The following RASA3 variants were observed in gnomAD, a reference collection of about 807,000 sequenced individuals.
RASA3 encodes the protein RAS p21 protein activator 3.
A neutral mutation model predicts 110.0 loss-of-function variants in RASA3; 73 were observed. That is an observed-to-expected ratio of 0.66 (90% CI 0.55 to 0.81). The LOEUF is 0.81. Among genes scored for constraint, RASA3 ranks in the 30% least tolerant of loss-of-function variants. The probability of loss-of-function intolerance (pLI) is 0.00; values close to 1 mark genes in which losing one functional copy is unlikely to be tolerated. For missense variants in RASA3, 976 were observed against 1,113.2 expected, an observed-to-expected ratio of 0.88 and a Z score of 1.75; for synonymous variants, 500 against 451.4, an observed-to-expected ratio of 1.11 and a Z score of -1.37.
Position 114,042,931 on chromosome 13 carries a change from G to C in RASA3, c.278-1837C>G, listed in dbSNP as rs1442627965. Among the ~76,000 whole-genome samples, 3 of 152,210 alleles carry C rather than the reference G, an allele frequency of 2.0e-5. No individual in the cohort carries two copies. The East Asian group carries it at 5.8e-4, about 29-fold the overall frequency. ...AGCAGGCCGGGGCTGCAGGGAGAGG[G>C]AGCTTCCGTCCCTGCCTTCCTGCCA... On this transcript the variant is annotated intron_variant, in intron 3 of 23. Transcript: ENST00000334062.
intron 8 of RASA3, 24 bp from the exon 9 acceptor site, chr13:114,021,532 TCTAG>T (rs780973100): frequency 1.2e-6 from 2 of 1,603,766 alleles, no homozygotes; most frequent in African/African-American, 2.7e-5. Context: ...TCAGGACAGC[TCTAG>T]CTGACGGCGG....
rs760542880 is a variant in RASA3, at chr13:114,041,051, G to A, written c.321C>T (p.Asn107=). 1.9e-6 allele frequency: 3 copies of A among 1,613,828 alleles called. No individual in the cohort carries two copies. Among genetic ancestry groups the A allele is most frequent in the Non-Finnish European group, 2.5e-6 (3 of 1,180,022 alleles). ...GCTGCAGCTGGAACCAGGTGTCCCTGTTGTGGTACTTCTGCAAGTCCTCCT... is the reference window on the plus strand; with the variant it reads ...GCTGCAGCTGGAACCAGGTGTCCCTATTGTGGTACTTCTGCAAGTCCTCCT... The part of the protein sequence containing the change: ...IQKEDLQKYH[N]RDTWFQLQHV... Residue 107 remains asparagine, a synonymous_variant, in exon 4 of 24, where the codon AAC becomes AAT. Coordinates refer to ENST00000334062, the MANE Select transcript of RASA3 (RefSeq NM_007368.4).
chr13:113,988,851 A>G lies in RASA3; in HGVS notation c.2245+3634T>C, dbSNP rs965420451. Among the ~76,000 whole-genome samples, 7 of 134,506 alleles carry G rather than the reference A, an allele frequency of 5.2e-5. No individual in the cohort carries two copies. In the East Asian group the frequency reaches 1.4e-3, roughly 26 times the overall value. 88.2% of individuals were successfully genotyped at this position (134,506 alleles called of 152,430 possible). A position where few individuals can be genotyped will look rare whatever the true frequency, so the allele number is the denominator to read the frequency against. On this transcript the variant is annotated intron_variant, in intron 22 of 23. Transcript: ENST00000334062. ...CCATCACTCGTCCATTGCTCCATCC[A>G]CCCATCAGTCACCCATTGGTCCATC...
chr13:114,106,881 G>A (rs1225827279), intron 1 of RASA3, among the ~76,000 whole-genome samples: 1 of 152,204 alleles, frequency 6.6e-6, no homozygotes, highest in African/African-American at 2.4e-5. Context: ...GTCTTATAAG[G>A]AAACTATTTT....
Position 113,989,738 on chromosome 13 carries a change from C to T in RASA3, c.2245+2747G>A, listed in dbSNP as rs570365336. On this transcript the variant is annotated intron_variant, in intron 22 of 23. Coordinates refer to ENST00000334062, the MANE Select transcript of RASA3 (RefSeq NM_007368.4). ...CATCTCTCACCCAACCGTCCATCCA[C>T]CCATCTACCCACCCACTCAGCTGCC... is the stretch of plus-strand genomic sequence containing the variant. Among the ~76,000 whole-genome samples the T allele has an allele frequency of 1.5e-4, 23 of 152,368 alleles. No individual in the cohort carries two copies. The South Asian group carries it at 3.9e-3, about 26-fold the overall frequency.
At chr13:114,024,228 G>T in intron 8 of RASA3, 51 bp downstream of exon 8, 1 of 1,491,382 alleles carries the variant, frequency 6.7e-7, no homozygotes, top group South Asian at 1.1e-5. Context: ...AAGAGCTGAG[G>T]AGTTTGGGTG....
intron 1 of RASA3, among the ~76,000 whole-genome samples, chr13:114,083,075 C>T (rs1594439103): frequency 6.6e-6 from 1 of 152,206 alleles, no homozygotes; most frequent in Non-Finnish European, 1.5e-5. Context: ...AAACATTTCT[C>T]CCACTCATAC....
chr13:113,981,929 C>T lies in RASA3; in HGVS notation c.2246-71G>A, dbSNP rs552517061. 56 of 1,443,546 alleles carry T rather than the reference C, an allele frequency of 3.9e-5. No homozygotes were observed. In the African/African-American group the frequency reaches 5.2e-4, roughly 13 times the overall value. 89.4% of individuals were successfully genotyped at this position (1,443,546 alleles called of 1,614,324 possible). On this transcript the variant is annotated intron_variant, in intron 22 of 23. Transcript: ENST00000334062. ...CGGCCCCGTCTCCACACAGCTGCGT[C>T]GCTGCAGGCCCCACCCACAGTACAC...
intron 18 of RASA3, among the ~76,000 whole-genome samples, chr13:114,005,748 G>A (rs549049193): frequency 9.0e-5 from 13 of 144,262 alleles, no homozygotes; most frequent in Admixed American, 2.1e-4. Context: ...TCTCCCCTCC[G>A]GCCCTGCCGG....
At chr13:114,098,458 G>A (rs2079975511) in intron 1 of RASA3, among the ~76,000 whole-genome samples, 1 of 152,162 alleles carries the variant, frequency 6.6e-6, no homozygotes, top group African/African-American at 2.4e-5. Flanking sequence ...AAGTTCAGCA[G>A]GGCTGCAGGC....
rs192326064 is a variant in RASA3 at position 114,092,056 on chromosome 13, T to C, written c.56-18219A>G. On this transcript the variant is annotated intron_variant, in intron 1 of 23. Coordinates refer to ENST00000334062, the MANE Select transcript of RASA3 (RefSeq NM_007368.4). ...CCATCCTTGATTTTATTTATTGGGG[T>C]CTTATCTTTTTTTTTTCTTAGTCTA... Among the ~76,000 whole-genome samples, 265 of 151,010 alleles carry C rather than the reference T, an allele frequency of 1.8e-3. 3 individuals are homozygous for C. The highest frequency in any genetic ancestry group is 6.3e-3 in the African/African-American group (257 of 41,108).
intron 18 of RASA3, among the ~76,000 whole-genome samples, chr13:114,002,836 T>G (rs2053435700): frequency 1.3e-5 from 2 of 152,182 alleles, no homozygotes; most frequent in African/African-American, 4.8e-5. Context: ...GAGCCACGGC[T>G]AAGCCGGAAG....
chr13:114,011,976 A>G lies in RASA3; in HGVS notation c.1513-728T>C, dbSNP rs974786394. Among the ~76,000 whole-genome samples the G allele has an allele frequency of 6.6e-6, 1 of 151,864 alleles. No homozygotes were observed. The highest frequency in any genetic ancestry group is 2.4e-5 in the African/African-American group (1 of 41,310). On this transcript the variant is annotated intron_variant, in intron 15 of 23. Coordinates refer to ENST00000334062, the MANE Select transcript of RASA3 (RefSeq NM_007368.4). The surrounding 1 kb of genome is among the most constrained non-coding windows in gnomAD (Gnocchi z 4.8). ...TCCCTCACGTCCTCTCGCCCTGGCC[A>G]TCTCCTTCCAGCTCTGCCACCCGCA...
At chr13:114,039,377 G>A (rs1374852221) in intron 4 of RASA3, among the ~76,000 whole-genome samples, 1 of 151,924 alleles carries the variant, frequency 6.6e-6, no homozygotes, top group Non-Finnish European at 1.5e-5. Flanking sequence ...GGTCCCAACT[G>A]AGGACCCAGG....
rs1027921826 is a variant in RASA3 at position 114,115,697 on chromosome 13, C to T, written c.55+16738G>A. On this transcript the variant is annotated intron_variant, in intron 1 of 23. Transcript: ENST00000334062. The surrounding 1 kb of genome is among the most constrained non-coding windows in gnomAD (Gnocchi z 5.0). ...TTTTACCCTACAAACGCTCTCTAAC[C>T]GGTCCAGAGGTCAGAAACAGCCGCA... Among the ~76,000 whole-genome samples the T allele has an allele frequency of 9.2e-5, 14 of 152,106 alleles. No homozygotes were observed. The highest frequency in any genetic ancestry group is 1.3e-4 in the Admixed American group (2 of 15,266).
chr13:114,121,814 C>G (rs949064381), intron 1 of RASA3, among the ~76,000 whole-genome samples: 4 of 152,152 alleles, frequency 2.6e-5, no homozygotes, highest in Non-Finnish European at 5.9e-5. Context: ...TTGTTTACAG[C>G]TGTGAGCATA....
chr13:114,030,430 GGC>G (rs1566501556), intron 4 of RASA3, among the ~76,000 whole-genome samples: 6 of 64,804 alleles, frequency 9.3e-5, no homozygotes, highest in African/African-American at 2.8e-4. Flanking sequence ...TCACACAGAG[GGC>G]AAGGCTCACA....
At position 114,052,154 on chromosome 13, in the gene RASA3, G is replaced by A; in HGVS notation, c.175C>T (p.Pro59Ser). Residue 59 changes from proline (P) to serine (S), a missense_variant and splice_region_variant, in exon 3 of 24, where the codon CCG (proline) becomes TCG (serine). Coordinates refer to ENST00000334062, the MANE Select transcript of RASA3 (RefSeq NM_007368.4). ...RTKIVEKSLC[P>S]FYGEDFYCEI... is the part of the protein sequence containing the mutation. ...CAGTAAAAGTCTTCTCCGTAAAACG[G>A]GCTAGTGAGACAAAGAAAAGCGCCA... is the stretch of plus-strand genomic sequence containing the variant. 1.2e-6 allele frequency: 2 copies of A among 1,608,902 alleles called. No homozygotes were observed. The highest frequency in any genetic ancestry group is 1.7e-6 in the Non-Finnish European group (2 of 1,176,186).
intron 4 of RASA3, among the ~76,000 whole-genome samples, chr13:114,037,905 C>T (rs187272538): frequency 6.6e-6 from 1 of 151,464 alleles, no homozygotes; most frequent in East Asian, 1.9e-4. Context: ...GGAGCACGGC[C>T]GTCCGTTCGG....
Sources: allele counts gnomAD v4.1 joint callset (sites outside exome capture counted in the v4.1 genomes callset), GRCh38; gene constraint gnomAD v4.1.1; non-coding constraint Gnocchi (gnomAD v3.1); transcripts MANE v1.5; gene names NCBI Gene and HGNC (gene_info 2026-07-23, HGNC 2026-07-21).